The following CPNE4 variants were observed in gnomAD, a reference collection of about 807,000 sequenced individuals.
CPNE4 encodes copine 4, also known as copine-4.
Under a neutral mutation model 67.9 loss-of-function variants are expected in CPNE4, and 25 were observed. The ratio of observed to expected loss-of-function variants is 0.37; its 90% CI spans 0.27 to 0.51. The LOEUF (loss-of-function observed/expected upper bound fraction) is 0.51. CPNE4 is among the 20% of genes least tolerant of loss of function. The pLI is 0.93. For synonymous variants in CPNE4, 242 were observed against 244.9 expected (o/e 0.99, Z 0.11); for missense variants, 464 against 690.8 (o/e 0.67, Z 3.68).
chr3:131,889,643 C>T (rs2088026288), intron 2 of CPNE4, among the ~76,000 whole-genome samples: 1 of 152,146 alleles, frequency 6.6e-6, no homozygotes, highest in African/African-American at 2.4e-5. Context: ...TCACAGAACC[C>T]CAAAATGTTT....
intron 1 of CPNE4, among the ~76,000 whole-genome samples, chr3:131,953,728 T>C (rs2071850324): frequency 1.3e-5 from 2 of 152,216 alleles, no homozygotes; most frequent in Admixed American, 1.3e-4. Context: ...GAGAGTAGAA[T>C]GATGCTTATC....
chr3:131,828,981 G>A (rs533994163), intron 2 of CPNE4, among the ~76,000 whole-genome samples: 23 of 152,334 alleles, frequency 1.5e-4, no homozygotes, highest in African/African-American at 5.1e-4. Flanking sequence ...AAAGAAAGAG[G>A]TTTATTGGAC....
chr3:131,659,350 T>TA (rs926792011), intron 7 of CPNE4, among the ~76,000 whole-genome samples: 2 of 152,208 alleles, frequency 1.3e-5, no homozygotes, highest in South Asian at 2.1e-4. Context: ...ATCTTCCCAG[T>TA]AGCTGGTTAG....
chr3:131,943,878 G>A (rs1379442534), intron 1 of CPNE4, among the ~76,000 whole-genome samples: 1 of 152,100 alleles, frequency 6.6e-6, no homozygotes, highest in African/African-American at 2.4e-5. Flanking sequence ...AAACATACCA[G>A]ACTGATTTCA....
chr3:131,567,446 G>A (rs1937117869), intron 10 of CPNE4, among the ~76,000 whole-genome samples: 1 of 151,852 alleles, frequency 6.6e-6, no homozygotes, highest in Non-Finnish European at 1.5e-5. Context: ...GATGGGGTGA[G>A]GCAAAAAGAA....
chr3:132,034,782 C>A lies in CPNE4; in HGVS notation c.-217G>T. 1.0e-6 allele frequency: 1 copy of A among 985,024 alleles called. No individual in the cohort carries two copies. The highest frequency in any genetic ancestry group is 1.2e-6 in the Non-Finnish European group (1 of 830,010). 61.0% of individuals were successfully genotyped at this position (985,024 alleles called of 1,614,324 possible). Reference sequence around the variant, plus strand: ...GTGCTGAGAGCAGAGTTCGGTCTCTCCGGAAACCCTGACTCCATTCTCGGT... The same window carrying A: ...GTGCTGAGAGCAGAGTTCGGTCTCTACGGAAACCCTGACTCCATTCTCGGT... On this transcript the variant is annotated 5_prime_UTR_variant, in exon 1 of 16. It introduces an in-frame stop codon into an upstream open reading frame of the 5' UTR. Transcript: ENST00000429747.
chr3:131,876,849 G>A (rs555734375), intron 2 of CPNE4, among the ~76,000 whole-genome samples: 1 of 152,222 alleles, frequency 6.6e-6, no homozygotes, highest in African/African-American at 2.4e-5. Flanking sequence ...CTAAATCACA[G>A]TGAGTACCAT....
At chr3:131,580,185 C>T (rs193120518) in intron 9 of CPNE4, among the ~76,000 whole-genome samples, 65 of 152,262 alleles carry the variant, frequency 4.3e-4, no homozygotes, top group African/African-American at 1.5e-3. Flanking sequence ...ACTCAAGGCT[C>T]ATATGACTGT....
chr3:131,805,859 A>T (rs1411667314), intron 2 of CPNE4, among the ~76,000 whole-genome samples: 1 of 152,236 alleles, frequency 6.6e-6, no homozygotes, highest in Non-Finnish European at 1.5e-5. Context: ...CAGGAAAAAG[A>T]GAAATAGACT....
chr3:131,922,798 C>A (rs537162765), intron 1 of CPNE4, among the ~76,000 whole-genome samples: 69 of 152,246 alleles, frequency 4.5e-4, no homozygotes, highest in African/African-American at 1.6e-3. Context: ...ATAAAAGAAG[C>A]AAGCATAATA....
intron 1 of CPNE4, among the ~76,000 whole-genome samples, chr3:131,964,956 G>A (rs2072300070): frequency 1.3e-5 from 2 of 152,126 alleles, no homozygotes; most frequent in South Asian, 2.1e-4. Flanking sequence ...AGGAAAAAAT[G>A]TTAAGGGCAG....
intron 2 of CPNE4, among the ~76,000 whole-genome samples, chr3:131,853,449 C>A (rs541699816): frequency 1.4e-4 from 21 of 151,670 alleles, no homozygotes; most frequent in African/African-American, 5.1e-4. Flanking sequence ...GAAAGAAAAG[C>A]TAGAACTATA....
chr3:131,774,651 C>T (rs1205115774), intron 2 of CPNE4, among the ~76,000 whole-genome samples: 2 of 152,108 alleles, frequency 1.3e-5, no homozygotes, highest in African/African-American at 4.8e-5. Context: ...AATATGATGT[C>T]CCTTGCAGTC....
intron 1 of CPNE4, among the ~76,000 whole-genome samples, chr3:131,964,880 TA>T (rs2072297562): frequency 6.6e-6 from 1 of 152,048 alleles, no homozygotes; most frequent in Admixed American, 6.5e-5. Context: ...AGAACCTCAC[TA>T]AGATACTCCT....
intron 10 of CPNE4, among the ~76,000 whole-genome samples, chr3:131,571,607 C>T (rs1029465602): frequency 6.6e-6 from 1 of 152,006 alleles, no homozygotes; most frequent in East Asian, 1.9e-4. Context: ...CTTCTCTTTC[C>T]ACAGTACCTC....
chr3:131,818,958 G>A (rs2084852427), intron 2 of CPNE4, among the ~76,000 whole-genome samples: 1 of 152,124 alleles, frequency 6.6e-6, no homozygotes, highest in African/African-American at 2.4e-5. Context: ...AAATTAGCCA[G>A]GTGTACTGGT....
At chr3:131,536,198 A>G (rs1209169579) in intron 15 of CPNE4, among the ~76,000 whole-genome samples, 1 of 152,164 alleles carries the variant, frequency 6.6e-6, no homozygotes, top group Non-Finnish European at 1.5e-5. Flanking sequence ...ACACTAATTC[A>G]TTTAGCCTTT....
chr3:132,039,433 T>C (rs1175077082), upstream of CPNE4: 1 of 152,216 alleles, frequency 6.6e-6, no homozygotes, highest in East Asian at 1.9e-4. Context: ...AGGAGAAAAA[T>C]AAAGTCTTCC....
At chr3:131,654,130 T>A (rs2079887634) in intron 7 of CPNE4, among the ~76,000 whole-genome samples, 2 of 152,206 alleles carry the variant, frequency 1.3e-5, no homozygotes, top group Non-Finnish European at 2.9e-5. Context: ...CTCAGGTGAT[T>A]CTAATATGAA....
Sources: gnomAD v4.1 joint callset for allele counts (sites outside exome capture counted in the v4.1 genomes callset) on GRCh38, gnomAD v4.1.1 for gene constraint, MANE v1.5 for transcripts, NCBI Gene and HGNC (gene_info 2026-07-23, HGNC 2026-07-21) for gene names.